The following AUTS2 variants were observed in gnomAD, a reference collection of about 807,000 sequenced individuals.
AUTS2 encodes the protein autism susceptibility gene 2 protein.
In AUTS2, 17 loss-of-function variants were observed where a neutral mutation model predicts 112.4. That is an observed-to-expected ratio of 0.15 (90% CI 0.10 to 0.23). The LOEUF is 0.23. Among genes scored for constraint, AUTS2 ranks in the 10% least tolerant of loss-of-function variants. The pLI is 1.00. For missense variants in AUTS2, 1,510 were observed against 1,701.6 expected, an observed-to-expected ratio of 0.89 and a Z score of 1.98; for synonymous variants, 751 against 702.7, an observed-to-expected ratio of 1.07 and a Z score of -1.09.
chr7:70,752,031 C>T (rs937363373), intron 6 of AUTS2, among the ~76,000 whole-genome samples: 2 of 148,730 alleles, frequency 1.3e-5, no homozygotes, highest in African/African-American at 5.1e-5. Context: ...GGCCTGCATA[C>T]ACTGGTTTTA....
rs1789934418 is a variant in AUTS2 at position 70,766,235 on chromosome 7, GCACCAGCACACC to G, written c.1602_1613del (p.His539_Thr542del). On this transcript the variant is annotated inframe_deletion, in exon 9 of 19. Coordinates refer to ENST00000342771, the MANE Select transcript of AUTS2 (RefSeq NM_015570.4). This position sits in a 1 kb window ranked among gnomAD's most constrained non-coding sequence, Gnocchi z 4.8. ...CCGAGTTCCATCAGCACCAGCACCAGCACCAGCACACCCACCAGCACACGCACCAGCACACCT... is the reference window on the plus strand; with the variant it reads ...CCGAGTTCCATCAGCACCAGCACCAGCACCAGCACACGCACCAGCACACCT... 1.2e-6 allele frequency: 2 copies of G among 1,614,002 alleles called. No homozygotes were observed. The highest frequency in any genetic ancestry group is 1.1e-5 in the South Asian group (1 of 91,076).
intron 4 of AUTS2, among the ~76,000 whole-genome samples, chr7:70,230,632 C>T (rs1355731512): frequency 6.6e-6 from 1 of 152,218 alleles, no homozygotes; most frequent in African/African-American, 2.4e-5. Context: ...CTAAGGCTTT[C>T]TGCAGGCTCT....
At chr7:70,172,592 A>T (rs968660243) in intron 4 of AUTS2, among the ~76,000 whole-genome samples, 1 of 152,118 alleles carries the variant, frequency 6.6e-6, no homozygotes, top group Non-Finnish European at 1.5e-5. Flanking sequence ...TCTCACCTTT[A>T]TATTTTTTCA....
chr7:70,218,608 C>G (rs1811296954), intron 4 of AUTS2, among the ~76,000 whole-genome samples: 1 of 152,150 alleles, frequency 6.6e-6, no homozygotes, highest in Non-Finnish European at 1.5e-5. Context: ...TTTGTCTCAG[C>G]CTTCTAATTA....
intron 4 of AUTS2, among the ~76,000 whole-genome samples, chr7:70,280,315 C>T (rs781163428): frequency 2.8e-5 from 4 of 143,456 alleles, no homozygotes; most frequent in Admixed American, 7.0e-5. Context: ...GACAGAGTCT[C>T]GCTCTGTCCC....
At chr7:70,266,295 G>A (rs548042091) in intron 4 of AUTS2, among the ~76,000 whole-genome samples, 142 of 152,194 alleles carry the variant, frequency 9.3e-4, no homozygotes, top group African/African-American at 3.3e-3. Flanking sequence ...GACACCAAAC[G>A]GCACATACTG....
At chr7:69,858,991 G>T (rs559080436) in intron 1 of AUTS2, among the ~76,000 whole-genome samples, 1 of 152,318 alleles carries the variant, frequency 6.6e-6, no homozygotes, top group African/African-American at 2.4e-5. Flanking sequence ...GAAGTGAATA[G>T]GACTGTTATA....
chr7:70,280,284 CTTTTT>C (rs530905531), intron 4 of AUTS2, among the ~76,000 whole-genome samples: 2 of 135,558 alleles, frequency 1.5e-5, no homozygotes, highest in African/African-American at 5.4e-5. Flanking sequence ...TTCTTTCTTT[CTTTTT>C]TTTTTTTTTT....
intron 5 of AUTS2, among the ~76,000 whole-genome samples, chr7:70,492,720 T>C (rs546262089): frequency 2.1e-4 from 32 of 152,252 alleles, no homozygotes; most frequent in African/African-American, 7.2e-4. Context: ...TGTGAACTGC[T>C]GTCTGAGCAA....
intron 1 of AUTS2, among the ~76,000 whole-genome samples, chr7:69,704,300 C>T (rs184604620): frequency 5.3e-5 from 8 of 150,744 alleles, no homozygotes; most frequent in East Asian, 1.9e-4. Context: ...TTTTTTGAGA[C>T]GGAGTCTCAC....
intron 4 of AUTS2, among the ~76,000 whole-genome samples, chr7:70,211,757 CA>C (rs1227937304): frequency 6.6e-6 from 1 of 151,972 alleles, no homozygotes; most frequent in African/African-American, 2.4e-5. Flanking sequence ...GAGGCCGAGG[CA>C]GGTGGATCAC....
intron 5 of AUTS2, among the ~76,000 whole-genome samples, chr7:70,620,410 C>G (rs1460380348): frequency 6.6e-6 from 1 of 152,114 alleles, no homozygotes; most frequent in Non-Finnish European, 1.5e-5. Flanking sequence ...TCAAGGAGTC[C>G]TATGCTGAAG....
chr7:70,113,541 A>C (rs946678028), intron 2 of AUTS2, among the ~76,000 whole-genome samples: 2 of 152,220 alleles, frequency 1.3e-5, no homozygotes, highest in African/African-American at 4.8e-5. Context: ...ACATTCCCCA[A>C]ATTTTGCATA....
intron 1 of AUTS2, among the ~76,000 whole-genome samples, chr7:69,689,688 A>G (rs1404000158): frequency 3.9e-5 from 2 of 51,356 alleles, no homozygotes; most frequent in Admixed American, 4.2e-4. Context: ...TTATTTATTT[A>G]TTTATTTGAG....
chr7:70,062,776 G>A (rs1802313121), intron 2 of AUTS2, among the ~76,000 whole-genome samples: 1 of 152,180 alleles, frequency 6.6e-6, no homozygotes, highest in Non-Finnish European at 1.5e-5. Flanking sequence ...AGAGTTACAT[G>A]AACTCTGTTG....
chr7:70,350,292 G>A (rs545135327), intron 4 of AUTS2, among the ~76,000 whole-genome samples: 12 of 152,236 alleles, frequency 7.9e-5, no homozygotes, highest in South Asian at 4.2e-4. Flanking sequence ...TAGTGAAATA[G>A]CGATAATTTG....
Position 69,599,616 on chromosome 7 carries a change from G to T in AUTS2, c.-38G>T. Reference sequence around the variant, plus strand: ...TTTTGTGTGGCTGCGGCCGTAGCCTGTGGCGGGCAAGCGGGGAGACCCCGG... The same window carrying T: ...TTTTGTGTGGCTGCGGCCGTAGCCTTTGGCGGGCAAGCGGGGAGACCCCGG... On this transcript the variant is annotated 5_prime_UTR_variant, in exon 1 of 19. Transcript: ENST00000342771. This position sits in a 1 kb window ranked among gnomAD's most constrained non-coding sequence, Gnocchi z 7.0. 7.9e-7 allele frequency: 1 copy of T among 1,269,998 alleles called. No homozygotes were observed. 78.7% of individuals were successfully genotyped at this position (1,269,998 alleles called of 1,614,324 possible).
At chr7:70,321,648 C>T (rs1790259430) in intron 4 of AUTS2, among the ~76,000 whole-genome samples, 1 of 152,138 alleles carries the variant, frequency 6.6e-6, no homozygotes, top group Admixed American at 6.5e-5. Context: ...CTAAGTCATG[C>T]ACTTCTAAGT....
chr7:70,150,240 G>C (rs1448154031), intron 4 of AUTS2, among the ~76,000 whole-genome samples: 1 of 151,988 alleles, frequency 6.6e-6, no homozygotes, highest in Non-Finnish European at 1.5e-5. Flanking sequence ...ACTGAATAAG[G>C]CTATTAGAAC....
Sources: allele counts gnomAD v4.1 joint callset (sites outside exome capture counted in the v4.1 genomes callset), GRCh38; gene constraint gnomAD v4.1.1; non-coding constraint Gnocchi (gnomAD v3.1); transcripts MANE v1.5; gene names NCBI Gene and HGNC (gene_info 2026-07-23, HGNC 2026-07-21).